The following CREBBP variants were observed in gnomAD, a reference collection of about 807,000 sequenced individuals.
The protein encoded by CREBBP is CREB binding lysine acetyltransferase.
In CREBBP, 19 loss-of-function variants were observed where a neutral mutation model predicts 265.0. That is an observed-to-expected ratio of 0.07 (90% CI 0.05 to 0.11). CREBBP has a LOEUF of 0.11. Among genes scored for constraint, CREBBP ranks in the 10% least tolerant of loss-of-function variants. The pLI, the probability that CREBBP is intolerant of heterozygous loss-of-function variation, is 1.00. For missense variants in CREBBP, 2,525 were observed against 3,219.0 expected (o/e 0.78, Z 5.22); for synonymous variants, 1,457 against 1,223.7 (o/e 1.19, Z -3.98).
At chr16:3,857,754 C>T (rs934269500) in intron 1 of CREBBP, among the ~76,000 whole-genome samples, 3 of 152,190 alleles carry the variant, frequency 2.0e-5, no homozygotes, top group Admixed American at 6.5e-5. Flanking sequence ...TATCAAATAG[C>T]GAACACTGCC....
intron 1 of CREBBP, among the ~76,000 whole-genome samples, chr16:3,871,405 G>T (rs2055297154): frequency 6.6e-6 from 1 of 152,206 alleles, no homozygotes; most frequent in African/African-American, 2.4e-5. Flanking sequence ...GTGACTCACA[G>T]TTAGAAGGTT....
At chr16:3,807,521 G>T (rs1290869066) in intron 3 of CREBBP, among the ~76,000 whole-genome samples, 1 of 152,118 alleles carries the variant, frequency 6.6e-6, no homozygotes, top group Non-Finnish European at 1.5e-5. Context: ...AATTCAAAAA[G>T]ACTACAAAAC....
chr16:3,786,653 G>C (rs114488195), intron 5 of CREBBP, among the ~76,000 whole-genome samples: 1 of 152,190 alleles, frequency 6.6e-6, no homozygotes, highest in Non-Finnish European at 1.5e-5. Flanking sequence ...CAGTGCTTGC[G>C]GGAGGCGAAA....
chr16:3,726,276 C>A lies in CREBBP; in HGVS notation c.*1442G>T, dbSNP rs574027491. On this transcript the variant is annotated 3_prime_UTR_variant, in exon 31 of 31. Transcript: ENST00000262367. The stretch of plus-strand genomic sequence containing the variant: ...GCCGCCTGAACACGGGAAGAAGCGC[C>A]GCCTCTGGGGGTGGCAGCTACGACG... The A allele has an allele frequency of 8.6e-6, 2 of 233,204 alleles. No individual in the cohort carries two copies. The allele number at this position is 233,204 out of a possible 1,614,324, so 14.4% of individuals were successfully genotyped here.
intron 2 of CREBBP, among the ~76,000 whole-genome samples, chr16:3,817,323 C>T (rs1355707852): frequency 1.3e-5 from 2 of 152,110 alleles, no homozygotes; most frequent in Admixed American, 1.3e-4. Flanking sequence ...CTGCCAACAG[C>T]CTCCTCTGTT....
At chr16:3,833,457 T>C (rs1316497337) in intron 2 of CREBBP, among the ~76,000 whole-genome samples, 1 of 152,066 alleles carries the variant, frequency 6.6e-6, no homozygotes, top group African/African-American at 2.4e-5. Flanking sequence ...CTAGAGGTCC[T>C]AGGCAGAACA....
chr16:3,845,064 A>G lies in CREBBP; in HGVS notation c.798+5233T>C, dbSNP rs1453813520. On this transcript the variant is annotated intron_variant, in intron 2 of 30. Coordinates refer to ENST00000262367, the MANE Select transcript of CREBBP (RefSeq NM_004380.3). ...ATCTTATAAATCCAAAATCCCAAAGATTTTTTGTTTTTAAAATTTGAAAAA... is the reference window on the plus strand; with the variant it reads ...ATCTTATAAATCCAAAATCCCAAAGGTTTTTTGTTTTTAAAATTTGAAAAA... Among the ~76,000 whole-genome samples, 3 of 152,026 alleles carry G rather than the reference A, an allele frequency of 2.0e-5. No individual in the cohort carries two copies. The East Asian group carries it at 5.8e-4, about 29-fold the overall frequency.
Position 3,731,165 on chromosome 16 carries a change from G to C in CREBBP, c.5172+27C>G, listed in dbSNP as rs764179430. Reference sequence around the variant, plus strand: ...CTTCGTCAGACCCCAGGCCGGCTGTGGGGGTGGGGGTGGGGGCAGGGCCTA... The same window carrying C: ...CTTCGTCAGACCCCAGGCCGGCTGTCGGGGTGGGGGTGGGGGCAGGGCCTA... On this transcript the variant is annotated intron_variant, in intron 30 of 30. Coordinates refer to ENST00000262367, the MANE Select transcript of CREBBP (RefSeq NM_004380.3). The surrounding 1 kb of genome is among the most constrained non-coding windows in gnomAD (Gnocchi z 7.7). The C allele has an allele frequency of 6.2e-7, 1 of 1,602,038 alleles. No homozygotes were observed. The highest frequency in any genetic ancestry group is 1.9e-4 in the Middle Eastern group (1 of 5,200).
At position 3,850,409 on chromosome 16, in the gene CREBBP, G is replaced by A. The variant is rs2141490125; in HGVS notation, c.686C>T (p.Pro229Leu). 1 of 1,614,236 alleles carries A rather than the reference G, an allele frequency of 6.2e-7. No homozygotes were observed. The highest frequency in any genetic ancestry group is 2.2e-5 in the East Asian group (1 of 44,882). Residue 229 changes from proline (P) to leucine (L), a missense_variant, in exon 2 of 31, where the codon CCA (proline) becomes CTA (leucine). By Grantham distance (98) the Pro-to-Leu change is moderately conservative. Around this residue, in one of 19 missense-constraint regions of CREBBP, gnomAD observed 356 missense variants for 340.4 expected, o/e 1.05. Transcript: ENST00000262367. ...GCTGCTCGAGGCGCCCTGCATGGCTGGAGTAGGGTACGGCATTCCAGCTCC... is the reference window on the plus strand; with the variant it reads ...GCTGCTCGAGGCGCCCTGCATGGCTAGAGTAGGGTACGGCATTCCAGCTCC... ...GRGAGMPYPT[P>L]AMQGASSSVL...
chr16:3,813,120 G>T (rs998029393), intron 2 of CREBBP: 20 of 230,554 alleles, frequency 8.7e-5, no homozygotes, highest in African/African-American at 3.8e-4. Context: ...CTGCTGAAAT[G>T]CCTGTACAGA....
intron 2 of CREBBP, among the ~76,000 whole-genome samples, chr16:3,846,322 G>C (rs1042922087): frequency 6.6e-6 from 1 of 152,178 alleles, no homozygotes; most frequent in Non-Finnish European, 1.5e-5. Flanking sequence ...ATTCAGTGTT[G>C]GTCAAGATTT....
At position 3,749,816 on chromosome 16, in the gene CREBBP, A is replaced by G. The variant is rs2052432653; in HGVS notation, c.3780-133T>C. The G allele has an allele frequency of 2.4e-5, 15 of 631,242 alleles. No individual in the cohort carries two copies. The South Asian group carries it at 2.8e-4, about 12-fold the overall frequency. The allele number at this position is 631,242 out of a possible 1,614,324, so 39.1% of individuals were successfully genotyped here. ...GACATGATGGCCCCTTAAAATCTCA[A>G]GTACATGTAATAACGGAATGAACAG... On this transcript the variant is annotated intron_variant, in intron 20 of 30. Coordinates refer to ENST00000262367, the MANE Select transcript of CREBBP (RefSeq NM_004380.3).
chr16:3,835,245 G>C (rs947704678), intron 2 of CREBBP, among the ~76,000 whole-genome samples: 1 of 151,652 alleles, frequency 6.6e-6, no homozygotes, highest in Non-Finnish European at 1.5e-5. Context: ...GAACAGACTA[G>C]AACAAAGGTA....
intron 1 of CREBBP, among the ~76,000 whole-genome samples, chr16:3,851,901 GGT>G (rs1372587823): frequency 6.8e-6 from 1 of 146,856 alleles, no homozygotes; most frequent in Non-Finnish European, 1.5e-5. Context: ...AGCCGGGCAT[GGT>G]GGCGGGCGCC....
chr16:3,757,020 C>T (rs1484245836), intron 19 of CREBBP, among the ~76,000 whole-genome samples: 3 of 152,108 alleles, frequency 2.0e-5, no homozygotes, highest in Non-Finnish European at 2.9e-5. Flanking sequence ...ACACTGAAAC[C>T]GAGCCACTTT....
intron 21 of CREBBP, among the ~76,000 whole-genome samples, chr16:3,748,863 G>A (rs1169155717): frequency 6.6e-6 from 1 of 152,122 alleles, no homozygotes; most frequent in African/African-American, 2.4e-5. Flanking sequence ...GTGCTTAACA[G>A]GGCCGGGCGC....
intron 23 of CREBBP, among the ~76,000 whole-genome samples, chr16:3,744,501 C>T (rs2052294019): frequency 6.6e-6 from 1 of 152,136 alleles, no homozygotes; most frequent in Admixed American, 6.5e-5. Context: ...ACAATCAGGC[C>T]AAATATTCCC....
rs772141109 is a variant in CREBBP, at chr16:3,879,821, C to T, written c.85+11G>A. On this transcript the variant is annotated intron_variant, in intron 1 of 30. Transcript: ENST00000262367. ...GCCCCGGGCCCCCGCCGCCCCGGAC[C>T]CCCTCCTCACCTGTGCTGTCATTCG... The T allele has an allele frequency of 6.3e-7, 1 of 1,595,884 alleles. No homozygotes were observed. Among genetic ancestry groups the T allele is most frequent in the Admixed American group, 1.7e-5 (1 of 58,366 alleles).
intron 1 of CREBBP, among the ~76,000 whole-genome samples, chr16:3,875,618 C>T (rs1597093083): frequency 6.6e-6 from 1 of 152,338 alleles, no homozygotes; most frequent in East Asian, 1.9e-4. Context: ...ACTCACTAAG[C>T]TTGGCAGGTT....
Sources: gnomAD v4.1 joint callset for allele counts (sites outside exome capture counted in the v4.1 genomes callset) on GRCh38, gnomAD v4.1.1 for gene constraint, gnomAD v4.1.1 regional missense constraint, Gnocchi (gnomAD v3.1) non-coding constraint, MANE v1.5 for transcripts, NCBI Gene and HGNC (gene_info 2026-07-23, HGNC 2026-07-21) for gene names.